SPATA2: variants seen among roughly 807,000 people sequenced by gnomAD.
The protein encoded by SPATA2 is spermatogenesis associated 2.
A neutral mutation model predicts 35.4 loss-of-function variants in SPATA2; 8 were observed. That is an observed-to-expected ratio of 0.23 (90% CI 0.13 to 0.41). The LOEUF (loss-of-function observed/expected upper bound fraction) is 0.41. Among genes scored for constraint, SPATA2 ranks in the 10% least tolerant of loss-of-function variants. The pLI is 1.00. For synonymous variants in SPATA2, 293 were observed against 300.9 expected (o/e 0.97, Z 0.27); for missense variants, 650 against 698.7 (o/e 0.93, Z 0.79).
chr20:49,910,383 T>C (rs2090176222), intron 1 of SPATA2, among the ~76,000 whole-genome samples: 3 of 152,200 alleles, frequency 2.0e-5, no homozygotes, highest in Admixed American at 1.3e-4. Flanking sequence ...AAGTCCTTGA[T>C]GGCCATTGCT....
chr20:49,905,557 T>C lies in SPATA2; in HGVS notation c.*62A>G, dbSNP rs977271671. On this transcript the variant is annotated 3_prime_UTR_variant, in exon 3 of 3. Coordinates refer to ENST00000289431, the MANE Select transcript of SPATA2 (RefSeq NM_006038.4). ...CTGAGATCAATGCGTTAGTACTTCT[T>C]CACCGTGAAACCCGAAAGGTCGGTT... 1.1e-5 allele frequency: 17 copies of C among 1,571,256 alleles called. No homozygotes were observed. The highest frequency in any genetic ancestry group is 1.5e-5 in the Non-Finnish European group (17 of 1,152,678).
intron 2 of SPATA2, among the ~76,000 whole-genome samples, chr20:49,907,346 AC>A (rs1052109868): frequency 5.3e-5 from 8 of 152,204 alleles, no homozygotes; most frequent in Non-Finnish European, 1.0e-4. Context: ...GGTGTGAGCC[AC>A]CGCGCCTGGC....
rs773466538 is a variant in SPATA2, at chr20:49,906,327, G to T, written c.855C>A (p.Asp285Glu). 4 of 1,606,172 alleles carry T rather than the reference G, an allele frequency of 2.5e-6. No homozygotes were observed. In the African/African-American group the frequency reaches 5.4e-5, roughly 21 times the overall value. Residue 285 changes from aspartate (D) to glutamate (E), a missense_variant, in exon 3 of 3, where the codon GAC becomes GAA. Coordinates refer to ENST00000289431, the MANE Select transcript of SPATA2 (RefSeq NM_006038.4). This position sits in a 1 kb window ranked among gnomAD's most constrained non-coding sequence, Gnocchi z 8.2. Reference sequence around the variant, plus strand: ...GGCGGATGATCTCATCCTTGAGGTCGTCCCCCACATCCGTTGCCACAGGCT... The same window carrying T: ...GGCGGATGATCTCATCCTTGAGGTCTTCCCCCACATCCGTTGCCACAGGCT... The part of the protein sequence containing the change: ...RKEPVATDVG[D>E]DLKDEIIRPS...
chr20:49,911,247 AC>A (rs924035481), intron 1 of SPATA2, among the ~76,000 whole-genome samples: 1 of 151,958 alleles, frequency 6.6e-6, no homozygotes, highest in African/African-American at 2.4e-5. Flanking sequence ...CTCTTTGTCC[AC>A]CCCTCACCCT....
At position 49,906,271 on chromosome 20, in the gene SPATA2, G is replaced by T. The variant is rs753348701; in HGVS notation, c.911C>A (p.Ser304Tyr). 1 of 1,572,200 alleles carries T rather than the reference G, an allele frequency of 6.4e-7. No homozygotes were observed. The highest frequency in any genetic ancestry group is 8.6e-7 in the Non-Finnish European group (1 of 1,157,484). Residue 304 changes from serine to tyrosine, a missense_variant, in exon 3 of 3, where the codon TCC becomes TAC. Coordinates refer to ENST00000289431, the MANE Select transcript of SPATA2 (RefSeq NM_006038.4). The surrounding 1 kb of genome is among the most constrained non-coding windows in gnomAD (Gnocchi z 8.2). ...AAGCACATCCGGGCTGCCGTGGGGG[G>T]AGCTGGCCATGGTCAGCAGCGAAGG... is the stretch of plus-strand genomic sequence containing the variant. ...PSPSLLTMAS[S>Y]PHGSPDVLPP...
At chr20:49,907,265 T>C (rs1302984979) in intron 2 of SPATA2, among the ~76,000 whole-genome samples, 1 of 152,184 alleles carries the variant, frequency 6.6e-6, no homozygotes, top group East Asian at 1.9e-4. Flanking sequence ...TTCACCGTGC[T>C]GGTCAAGCTG....
rs2090132233 is a variant in SPATA2, at chr20:49,905,098, G to GT, written c.*520dup. The GT allele has an allele frequency of 6.4e-6, 1 of 156,546 alleles. No individual in the cohort carries two copies. 9.7% of individuals were successfully genotyped at this position (156,546 alleles called of 1,614,324 possible). A position where few individuals can be genotyped will look rare whatever the true frequency, so the allele number is the denominator to read the frequency against. On this transcript the variant is annotated 3_prime_UTR_variant, in exon 3 of 3. Transcript: ENST00000289431. ...GGGGAGTCCAGCTGGGGATCCTTGT[G>GT]TTTAGGAAGGGGGCGGCCAAGGGAT...
rs151336494 is a variant in SPATA2, at chr20:49,906,322, A to C, written c.860T>G (p.Leu287Arg). 62 of 1,604,424 alleles carry C rather than the reference A, an allele frequency of 3.9e-5. No individual in the cohort carries two copies. The highest frequency in any genetic ancestry group is 5.0e-5 in the Non-Finnish European group (59 of 1,174,496). The part of the protein sequence containing the change: ...EPVATDVGDD[L>R]KDEIIRPSPS... The stretch of plus-strand genomic sequence containing the variant: ...GGATGGGCGGATGATCTCATCCTTG[A>C]GGTCGTCCCCCACATCCGTTGCCAC... The change falls in exon 3 of 3, where the codon CTC becomes CGC. Residue 287 changes from leucine to arginine, a missense_variant. Leu to Arg is a moderately radical substitution (Grantham distance 102, BLOSUM62 -2). Transcript: ENST00000289431. This position sits in a 1 kb window ranked among gnomAD's most constrained non-coding sequence, Gnocchi z 8.2.
In SPATA2 at chr20:49,903,898, G is replaced by GATTAT. The variant is rs2090121564; in HGVS notation, c.*1720_*1721insATAAT. On this transcript the variant is annotated 3_prime_UTR_variant, in exon 3 of 3. Coordinates refer to ENST00000289431, the MANE Select transcript of SPATA2 (RefSeq NM_006038.4). Reference sequence around the variant, plus strand: ...CTGTACATCTACATGTGATCTACCAGATAGATATATATATATATATATATA... The same window carrying GATTAT: ...CTGTACATCTACATGTGATCTACCAGATTATATAGATATATATATATATATATATA... 3.7e-4 allele frequency: 32 copies of GATTAT among 86,118 alleles called. No individual in the cohort carries two copies. Among genetic ancestry groups the GATTAT allele is most frequent in the Non-Finnish European group, 6.1e-4 (27 of 44,310 alleles). 5.3% of individuals were successfully genotyped at this position (86,118 alleles called of 1,614,324 possible).
Position 49,905,722 on chromosome 20 carries a change from T to G in SPATA2, c.1460A>C (p.Tyr487Ser). 1 of 1,614,228 alleles carries G rather than the reference T, an allele frequency of 6.2e-7. No homozygotes were observed. Among genetic ancestry groups the G allele is most frequent in the Non-Finnish European group, 8.5e-7 (1 of 1,180,036 alleles). Residue 487 changes from tyrosine (Y) to serine (S), a missense_variant, in exon 3 of 3, where the codon TAC (tyrosine) becomes TCC (serine). Physicochemically the swap from Tyr to Ser is moderately radical, Grantham distance 144. Transcript: ENST00000289431. Reference sequence around the variant, plus strand: ...CTTTTTGTAGCAGGGGTCATAATGGTAAGCGCTGAGGCAGGCGTCACATGA... The same window carrying G: ...CTTTTTGTAGCAGGGGTCATAATGGGAAGCGCTGAGGCAGGCGTCACATGA... ...KVSCDACLSA[Y>S]HYDPCYKKSE...
chr20:49,912,191 C>T (rs2090185513), intron 1 of SPATA2, among the ~76,000 whole-genome samples: 1 of 152,200 alleles, frequency 6.6e-6, no homozygotes, highest in South Asian at 2.1e-4. Flanking sequence ...CGGTGGCTCA[C>T]GCCTGTAATC....
rs368987643 is a variant in SPATA2, at chr20:49,905,616, G to A, written c.*3C>T. On this transcript the variant is annotated 3_prime_UTR_variant, in exon 3 of 3. Coordinates refer to ENST00000289431, the MANE Select transcript of SPATA2 (RefSeq NM_006038.4). The stretch of plus-strand genomic sequence containing the variant: ...CCTTGGAGCTGGAAGGGGCGAGGCC[G>A]GTCTATCTGTACACGAGATGGGAGA... 3.1e-5 allele frequency: 50 copies of A among 1,613,408 alleles called. No homozygotes were observed. The East Asian group carries it at 3.3e-4, about 11-fold the overall frequency.
intron 1 of SPATA2, among the ~76,000 whole-genome samples, chr20:49,908,985 A>G (rs1197434867): frequency 6.6e-6 from 1 of 152,134 alleles, no homozygotes; most frequent in Non-Finnish European, 1.5e-5. Context: ...TAATAGTACC[A>G]GAGGCTCCAG....
At position 49,908,194 on chromosome 20, in the gene SPATA2, G is replaced by C. The variant is rs1436275289; in HGVS notation, c.297C>G (p.Leu99=). 3 of 1,612,824 alleles carry C rather than the reference G, an allele frequency of 1.9e-6. No individual in the cohort carries two copies. The highest frequency in any genetic ancestry group is 2.5e-6 in the Non-Finnish European group (3 of 1,179,504). The stretch of plus-strand genomic sequence containing the variant: ...ATTCCTTCTTCCACGGGTAGAGGAA[G>C]AGGTTGATGCCCACCGTCTCCAGCA... ...FSMLETVGIN[L]FLYPWKKEFR... Residue 99 remains leucine (L), a synonymous_variant, in exon 2 of 3, where the codon CTC becomes CTG. Coordinates refer to ENST00000289431, the MANE Select transcript of SPATA2 (RefSeq NM_006038.4).
chr20:49,910,302 G>A (rs764067008), intron 1 of SPATA2, among the ~76,000 whole-genome samples: 4 of 152,160 alleles, frequency 2.6e-5, no homozygotes, highest in African/African-American at 7.2e-5. Flanking sequence ...TAATAATAGC[G>A]CCTCTGTCCA....
rs1351497706 is a variant in SPATA2 at position 49,904,717 on chromosome 20, G to T, written c.*902C>A. On this transcript the variant is annotated 3_prime_UTR_variant, in exon 3 of 3. Coordinates refer to ENST00000289431, the MANE Select transcript of SPATA2 (RefSeq NM_006038.4). The stretch of plus-strand genomic sequence containing the variant: ...CTCCTCTCCCCTCGGGCCATAGTGA[G>T]TGGAGGATACAACACGAATGGGCGC... 1 of 152,682 alleles carries T rather than the reference G, an allele frequency of 6.5e-6. No individual in the cohort carries two copies. The allele number at this position is 152,682 out of a possible 1,614,324, so 9.5% of individuals were successfully genotyped here.
In SPATA2 at chr20:49,907,927, C is replaced by T. The variant is rs76281442; in HGVS notation, c.336+228G>A. ...CAAGCCTTGCCCTGGGCCACAAGAC[C>T]CTGCATAACCTGGCTGCCCCTGCCT... is the stretch of plus-strand genomic sequence containing the variant. On this transcript the variant is annotated intron_variant, in intron 2 of 2. Transcript: ENST00000289431. Among the ~76,000 whole-genome samples, 694 of 152,304 alleles carry T rather than the reference C, an allele frequency of 4.6e-3. 7 individuals carry two copies. Among genetic ancestry groups the T allele is most frequent in the African/African-American group, 0.016 (669 of 41,564 alleles).
intron 1 of SPATA2, among the ~76,000 whole-genome samples, chr20:49,909,023 C>T (rs375075447): frequency 6.6e-6 from 1 of 152,070 alleles, no homozygotes; most frequent in East Asian, 1.9e-4. Context: ...CACACACTAA[C>T]TCGCTTACTT....
intron 2 of SPATA2, among the ~76,000 whole-genome samples, chr20:49,907,147 G>A (rs1329825675): frequency 2.0e-5 from 3 of 152,128 alleles, no homozygotes; most frequent in Non-Finnish European, 4.4e-5. Context: ...TGCAACCTCC[G>A]CCTCCTGGGT....
Sources: gnomAD v4.1 joint callset for allele counts (sites outside exome capture counted in the v4.1 genomes callset) on GRCh38, gnomAD v4.1.1 for gene constraint, Gnocchi (gnomAD v3.1) non-coding constraint, MANE v1.5 for transcripts, NCBI Gene and HGNC (gene_info 2026-07-23, HGNC 2026-07-21) for gene names.